The following SLC16A7 variants were observed in gnomAD, a reference collection of about 807,000 sequenced individuals.
SLC16A7 encodes the protein monocarboxylate transporter 2.
SLC16A7 carries 33 observed loss-of-function variants against 34.9 expected under a neutral mutation model. The observed-to-expected ratio is 0.94, with a 90% CI of 0.72 to 1.26. The LOEUF is 1.26. SLC16A7 is among the 50% of genes most tolerant of loss of function. The pLI is 0.00. For missense variants in SLC16A7, 573 were observed against 578.1 expected, an observed-to-expected ratio of 0.99 and a Z score of 0.09; for synonymous variants, 201 against 206.6, an observed-to-expected ratio of 0.97 and a Z score of 0.23.
intron 3 of SLC16A7, among the ~76,000 whole-genome samples, chr12:59,732,002 T>C (rs1877004255): frequency 6.6e-6 from 1 of 152,022 alleles, no homozygotes; most frequent in African/African-American, 2.4e-5. Context: ...CTGTGAGTGG[T>C]TGAATGGGAT....
At chr12:59,610,831 A>C (rs569150041) in intron 1 of SLC16A7, among the ~76,000 whole-genome samples, 2 of 152,388 alleles carry the variant, frequency 1.3e-5, no homozygotes, top group East Asian at 3.9e-4. Flanking sequence ...ACTGTGAGGC[A>C]GTTGAGCTGA....
chr12:59,713,916 C>G (rs1029191190), intron 3 of SLC16A7, among the ~76,000 whole-genome samples: 1 of 152,206 alleles, frequency 6.6e-6, no homozygotes, highest in Admixed American at 6.5e-5. Flanking sequence ...CAGACACAGG[C>G]TATGCTTTCA....
chr12:59,755,793 C>T (rs1158455802), intron 3 of SLC16A7, among the ~76,000 whole-genome samples: 2 of 152,098 alleles, frequency 1.3e-5, no homozygotes, highest in East Asian at 1.9e-4. Flanking sequence ...GAGCCCTCAT[C>T]GCCAAGTCAA....
intron 3 of SLC16A7, among the ~76,000 whole-genome samples, chr12:59,754,875 C>G (rs1400601107): frequency 1.3e-5 from 2 of 152,204 alleles, no homozygotes; most frequent in African/African-American, 2.4e-5. Flanking sequence ...ACTGGCAAAA[C>G]GAATCCACCA....
At chr12:59,612,987 G>A (rs958659134) in intron 1 of SLC16A7, among the ~76,000 whole-genome samples, 6 of 152,126 alleles carry the variant, frequency 3.9e-5, no homozygotes, top group East Asian at 3.9e-4. Flanking sequence ...TTCCAAAGTC[G>A]CTTCCACATA....
chr12:59,720,540 AATTAT>A (rs1875455875), intron 3 of SLC16A7, among the ~76,000 whole-genome samples: 1 of 152,024 alleles, frequency 6.6e-6, no homozygotes, highest in African/African-American at 2.4e-5. Context: ...TATAGGGGAA[AATTAT>A]ATATCCAATC....
intron 3 of SLC16A7, among the ~76,000 whole-genome samples, chr12:59,723,147 G>A (rs1190040828): frequency 2.0e-5 from 3 of 151,730 alleles, no homozygotes; most frequent in Admixed American, 2.0e-4. Flanking sequence ...CTGGCATATA[G>A]TAGACAATAT....
chr12:59,722,497 C>A (rs562500896), intron 3 of SLC16A7, among the ~76,000 whole-genome samples: 1 of 151,966 alleles, frequency 6.6e-6, no homozygotes, highest in East Asian at 1.9e-4. Context: ...ATTATCTACT[C>A]TCCCTGCTAT....
At chr12:59,633,459 A>G (rs1228007955) in intron 1 of SLC16A7, among the ~76,000 whole-genome samples, 2 of 152,046 alleles carry the variant, frequency 1.3e-5, no homozygotes, top group Non-Finnish European at 2.9e-5. Flanking sequence ...TTCAATCCCT[A>G]CAGTTCCAGG....
At position 59,788,526 on chromosome 12, in the gene SLC16A7, A is replaced by T. The variant is rs1189897078; in HGVS notation, c.*8847A>T. The T allele has an allele frequency of 1.3e-5, 2 of 152,076 alleles. No individual in the cohort carries two copies. Among genetic ancestry groups the T allele is most frequent in the Non-Finnish European group, 2.9e-5 (2 of 67,952 alleles). 9.4% of individuals were successfully genotyped at this position (152,076 alleles called of 1,614,324 possible). The stretch of plus-strand genomic sequence containing the variant: ...CTAAATGATCCAAACAGTTGTTTTT[A>T]CATGACTTAAATCATGGCTGTATTA... On this transcript the variant is annotated 3_prime_UTR_variant, in exon 6 of 6. Coordinates refer to ENST00000547379, the MANE Select transcript of SLC16A7 (RefSeq NM_001270623.2).
chr12:59,749,524 G>A (rs145516953), intron 3 of SLC16A7, among the ~76,000 whole-genome samples: 2 of 152,232 alleles, frequency 1.3e-5, no homozygotes, highest in African/African-American at 2.4e-5. Context: ...TAGATCAGGA[G>A]GTGAGGTCAT....
intron 3 of SLC16A7, chr12:59,768,916 C>T (rs35518979): frequency 0.25 from 37,853 of 151,932 alleles, 4,786 homozygotes; most frequent in East Asian, 0.31. Flanking sequence ...GGGAGGATCT[C>T]GAGTCTAGGG....
At chr12:59,637,137 CT>C (rs1324826868) in intron 1 of SLC16A7, among the ~76,000 whole-genome samples, 1 of 152,070 alleles carries the variant, frequency 6.6e-6, no homozygotes, top group South Asian at 2.1e-4. Flanking sequence ...CCTCTGACTG[CT>C]TTTAGTAAAA....
intron 3 of SLC16A7, among the ~76,000 whole-genome samples, chr12:59,741,008 C>A (rs556765386): frequency 4.5e-4 from 68 of 152,178 alleles, no homozygotes; most frequent in African/African-American, 1.5e-3. Flanking sequence ...TTACAAGGGA[C>A]GTGAAGGACC....
At chr12:59,706,741 G>A (rs545821019) in intron 3 of SLC16A7, among the ~76,000 whole-genome samples, 6 of 152,166 alleles carry the variant, frequency 3.9e-5, no homozygotes, top group East Asian at 1.9e-4. Context: ...GCTCCAAAAC[G>A]TGCTAATATT....
In SLC16A7 at chr12:59,775,312, C is replaced by T. The variant is rs770060363; in HGVS notation, c.1017C>T (p.Ser339=). The T allele has an allele frequency of 6.2e-7, 1 of 1,614,108 alleles. No individual in the cohort carries two copies. The highest frequency in any genetic ancestry group is 1.1e-5 in the South Asian group (1 of 91,074). The change falls in exon 5 of 6, where the codon AGC becomes AGT. Residue 339 remains serine, a synonymous_variant. Transcript: ENST00000547379. ...LLCPLAQDYT[S]LVLYAVFFGL... Reference sequence around the variant, plus strand: ...GCCCACTGGCACAGGACTACACAAGCCTGGTATTATATGCTGTATTTTTTG... The same window carrying T: ...GCCCACTGGCACAGGACTACACAAGTCTGGTATTATATGCTGTATTTTTTG...
intron 1 of SLC16A7, among the ~76,000 whole-genome samples, chr12:59,618,177 C>T (rs1168509849): frequency 1.3e-5 from 2 of 151,844 alleles, no homozygotes; most frequent in Non-Finnish European, 2.9e-5. Flanking sequence ...TATATTGCTA[C>T]ACTGCTTATC....
chr12:59,761,311 C>A (rs1480962567), intron 3 of SLC16A7: 2 of 381,182 alleles, frequency 5.2e-6, no homozygotes, highest in Non-Finnish European at 9.3e-6. Context: ...GGTTAGGTTT[C>A]TAACTTTTCC....
intron 3 of SLC16A7, among the ~76,000 whole-genome samples, chr12:59,747,821 A>G (rs557162978): frequency 6.6e-6 from 1 of 152,216 alleles, no homozygotes; most frequent in African/African-American, 2.4e-5. Context: ...ATAATTGCAA[A>G]ACTCTTTCCC....
Sources: gnomAD v4.1 joint callset for allele counts (sites outside exome capture counted in the v4.1 genomes callset) on GRCh38, gnomAD v4.1.1 for gene constraint, MANE v1.5 for transcripts, NCBI Gene and HGNC (gene_info 2026-07-23, HGNC 2026-07-21) for gene names.